TDRD5: variants seen among roughly 807,000 people sequenced by gnomAD.
TDRD5 encodes the protein tudor domain-containing protein 5.
In TDRD5, 41 loss-of-function variants were observed where a neutral mutation model predicts 120.6. The ratio of observed to expected loss-of-function variants is 0.34; its 90% CI spans 0.26 to 0.44. TDRD5 has a LOEUF of 0.44. TDRD5 is among the 20% of genes least tolerant of loss of function. The pLI is 1.00. For synonymous variants in TDRD5, 430 were observed against 433.7 expected, an observed-to-expected ratio of 0.99 and a Z score of 0.11; for missense variants, 1,006 against 1,221.2, an observed-to-expected ratio of 0.82 and a Z score of 2.63.
chr1:179,637,892 G>A (rs941409876), intron 9 of TDRD5, among the ~76,000 whole-genome samples: 1 of 152,216 alleles, frequency 6.6e-6, no homozygotes, highest in Admixed American at 6.5e-5. Flanking sequence ...GGGCAAGGTT[G>A]AGGAAAGCTT....
Position 179,635,714 on chromosome 1 carries a change from T to C in TDRD5, c.1347T>C (p.His449=). Residue 449 remains histidine (H), a synonymous_variant, in exon 9 of 18, where the codon CAT becomes CAC. Transcript: ENST00000444136. ...KSELNLAMAN[H]DIPPDAVPNK... The stretch of plus-strand genomic sequence containing the variant: ...AGCTCAACTTGGCAATGGCAAATCA[T>C]GACATCCCGCCAGACGCTGTGCCGA... 1.9e-6 allele frequency: 3 copies of C among 1,614,042 alleles called. No homozygotes were observed. Among genetic ancestry groups the C allele is most frequent in the Non-Finnish European group, 2.5e-6 (3 of 1,179,988 alleles).
At chr1:179,646,811 C>T in intron 11 of TDRD5, among the ~76,000 whole-genome samples, 1 of 152,172 alleles carries the variant, frequency 6.6e-6, no homozygotes, top group East Asian at 1.9e-4. Context: ...ACACCAACAA[C>T]AGACAGAGAG....
intron 6 of TDRD5, among the ~76,000 whole-genome samples, chr1:179,623,273 T>C (rs1489479852): frequency 3.3e-5 from 5 of 152,166 alleles, no homozygotes; most frequent in Admixed American, 3.3e-4. Flanking sequence ...CTTTAATCTT[T>C]AGGAAGGATT....
At position 179,593,915 on chromosome 1, in the gene TDRD5, G is replaced by A. The variant is rs751751732; in HGVS notation, c.640+48G>A. 22 of 1,574,304 alleles carry A rather than the reference G, an allele frequency of 1.4e-5. No individual in the cohort carries two copies. The South Asian group carries it at 2.4e-4, about 17-fold the overall frequency. On this transcript the variant is annotated intron_variant, in intron 3 of 17. Transcript: ENST00000444136. ...GAGCAGTCATGGCACATAGAGGGGT[G>A]TGTAATCACTAAGGTCTATGAGTTC... is the stretch of plus-strand genomic sequence containing the variant.
chr1:179,600,792 C>T, intron 4 of TDRD5, among the ~76,000 whole-genome samples: 1 of 152,060 alleles, frequency 6.6e-6, no homozygotes, highest in East Asian at 1.9e-4. Flanking sequence ...GCTACATCTC[C>T]CAAACTTTGA....
At chr1:179,687,749 T>G (rs1179919716) in intron 17 of TDRD5, among the ~76,000 whole-genome samples, 1 of 152,180 alleles carries the variant, frequency 6.6e-6, no homozygotes, top group African/African-American at 2.4e-5. Flanking sequence ...CATATATATT[T>G]AGGATAGTTA....
rs1677729311 is a variant in TDRD5 at position 179,635,733 on chromosome 1, G to T, written c.1366G>T (p.Val456Leu). 1 of 1,613,928 alleles carries T rather than the reference G, an allele frequency of 6.2e-7. No individual in the cohort carries two copies. The highest frequency in any genetic ancestry group is 1.3e-5 in the African/African-American group (1 of 74,880). The change falls in exon 9 of 18, where the codon GTG (valine) becomes TTG (leucine). Residue 456 changes from valine (V) to leucine (L), a missense_variant. By Grantham distance (32) the Val-to-Leu change is conservative. Transcript: ENST00000444136. ...AAATCATGACATCCCGCCAGACGCT[G>T]TGCCGAACAAGAAATTATGCAGACT... ...MANHDIPPDA[V>L]PNKKLCRLPP... is the part of the protein sequence containing the mutation.
chr1:179,684,127 C>T (rs925526902), intron 17 of TDRD5, among the ~76,000 whole-genome samples: 18 of 151,844 alleles, frequency 1.2e-4, no homozygotes, highest in African/African-American at 2.2e-4. Flanking sequence ...ATACATGTGC[C>T]GTGTTGTTGT....
At chr1:179,684,522 C>A (rs1387039362) in intron 17 of TDRD5, among the ~76,000 whole-genome samples, 1 of 152,154 alleles carries the variant, frequency 6.6e-6, no homozygotes, top group African/African-American at 2.4e-5. Flanking sequence ...GTGCATGTTT[C>A]TTTATAGCAG....
At chr1:179,663,566 T>G in intron 16 of TDRD5, 75 bp downstream of exon 16, 14 of 1,509,418 alleles carry the variant, frequency 9.3e-6, no homozygotes, top group Non-Finnish European at 1.2e-5. Flanking sequence ...CAAAATTGTC[T>G]CAATTTACAT....
intron 17 of TDRD5, among the ~76,000 whole-genome samples, chr1:179,684,289 C>T (rs149904954): frequency 6.6e-6 from 1 of 152,102 alleles, no homozygotes. Context: ...TGAGTGAGAA[C>T]ATGTGGTGTT....
At chr1:179,669,511 T>C (rs1679743087) in intron 17 of TDRD5, 107 bp downstream of exon 17, 1 of 1,182,458 alleles carries the variant, frequency 8.5e-7, no homozygotes, top group South Asian at 1.5e-5. Context: ...CCTTGAAACA[T>C]TACTGACGTT....
chr1:179,643,650 A>G (rs74716598), intron 11 of TDRD5, among the ~76,000 whole-genome samples: 5,777 of 152,290 alleles, frequency 0.038, 174 homozygotes, highest in East Asian at 0.11. Flanking sequence ...TCCAATGTGA[A>G]GAAGAGCATA....
chr1:179,684,321 G>C (rs1338058081), intron 17 of TDRD5, among the ~76,000 whole-genome samples: 1 of 152,142 alleles, frequency 6.6e-6, no homozygotes, highest in Non-Finnish European at 1.5e-5. Flanking sequence ...CCTTGCAATA[G>C]TTTGCTCAGA....
intron 17 of TDRD5, among the ~76,000 whole-genome samples, chr1:179,685,617 A>G (rs1320324572): frequency 6.6e-6 from 1 of 152,184 alleles, no homozygotes; most frequent in Non-Finnish European, 1.5e-5. Context: ...CATTGACTCT[A>G]TAAATTACCT....
intron 17 of TDRD5, among the ~76,000 whole-genome samples, chr1:179,682,455 A>G (rs1351723262): frequency 1.3e-5 from 2 of 151,714 alleles, no homozygotes; most frequent in Non-Finnish European, 1.5e-5. Context: ...CCATGTTCTT[A>G]TTGTTTACCT....
chr1:179,651,106 TAATTTCACCACGTC>T (rs1678686375), intron 12 of TDRD5, 39 bp downstream of exon 12: 2 of 1,600,576 alleles, frequency 1.2e-6, no homozygotes, highest in Non-Finnish European at 1.7e-6. Context: ...ATATTTTGTT[TAATTTCACCACGTC>T]AAGGTATAAG....
chr1:179,682,332 T>A (rs1013303647), intron 17 of TDRD5, among the ~76,000 whole-genome samples: 2 of 152,080 alleles, frequency 1.3e-5, no homozygotes, highest in African/African-American at 4.8e-5. Context: ...GCCATGGTGG[T>A]TTACTGCACC....
intron 11 of TDRD5, among the ~76,000 whole-genome samples, chr1:179,642,434 A>C (rs1030755204): frequency 5.3e-5 from 8 of 152,138 alleles, no homozygotes; most frequent in African/African-American, 1.9e-4. Flanking sequence ...TTCTGGCCTT[A>C]GGGCTTTTGC....
Sources: gnomAD v4.1 joint callset for allele counts (sites outside exome capture counted in the v4.1 genomes callset) on GRCh38, gnomAD v4.1.1 for gene constraint, MANE v1.5 for transcripts, NCBI Gene and HGNC (gene_info 2026-07-23, HGNC 2026-07-21) for gene names.